Variants in PGM2L1 observed in about 807,000 individuals in gnomAD.
PGM2L1 encodes the protein glucose 1,6-bisphosphate synthase.
PGM2L1 carries 35 observed loss-of-function variants against 73.4 expected under a neutral mutation model. That is an observed-to-expected ratio of 0.48 (90% CI 0.36 to 0.63). The LOEUF (loss-of-function observed/expected upper bound fraction) is 0.63, where lower values mean the gene tolerates loss of function less well. Ranked by LOEUF, PGM2L1 falls within the 30% of genes least tolerant of loss-of-function variation. The pLI, the probability that PGM2L1 is intolerant of heterozygous loss-of-function variation, is 0.00. For synonymous variants in PGM2L1, 225 were observed against 253.8 expected, an observed-to-expected ratio of 0.89 and a Z score of 1.08; for missense variants, 570 against 742.0, an observed-to-expected ratio of 0.77 and a Z score of 2.69.
chr11:74,342,796 A>T, intron 11 of PGM2L1, 89 bp downstream of exon 11: 1 of 1,420,418 alleles, frequency 7.0e-7, no homozygotes, highest in Non-Finnish European at 9.4e-7. Flanking sequence ...AAAAAGGATC[A>T]ACTATTCTTC....
intron 6 of PGM2L1, among the ~76,000 whole-genome samples, chr11:74,349,299 A>G (rs957265073): frequency 6.6e-6 from 1 of 152,168 alleles, no homozygotes; most frequent in Non-Finnish European, 1.5e-5. Context: ...CAGTCCAGCA[A>G]CTCCCAAAGG....
chr11:74,354,413 C>T, intron 5 of PGM2L1: 1 of 639,234 alleles, frequency 1.6e-6, no homozygotes, highest in Non-Finnish European at 2.8e-6. Flanking sequence ...GCTGAGGAAG[C>T]ATCATTAAAG....
At chr11:74,374,073 C>A (rs35383477) in intron 2 of PGM2L1, among the ~76,000 whole-genome samples, 55,156 of 106,558 alleles carry the variant, frequency 0.52, 13,374 homozygotes, top group East Asian at 0.65. Context: ...AAAAAAAAAA[C>A]CAGACTGAGA....
chr11:74,381,094 T>C (rs1012638047), intron 1 of PGM2L1, among the ~76,000 whole-genome samples: 4 of 152,218 alleles, frequency 2.6e-5, no homozygotes, highest in African/African-American at 9.7e-5. Context: ...TAAGTGATCA[T>C]GTGAGGCACT....
chr11:74,397,745 ATTTTTT>A (rs71065081), intron 1 of PGM2L1: 6 of 150,088 alleles, frequency 4.0e-5, no homozygotes, highest in African/African-American at 1.1e-4. Flanking sequence ...AATGATGATG[ATTTTTT>A]TTTTTTTTTT....
intron 1 of PGM2L1, among the ~76,000 whole-genome samples, chr11:74,379,038 T>A (rs1433745991): frequency 6.6e-6 from 1 of 152,178 alleles, no homozygotes; most frequent in Non-Finnish European, 1.5e-5. Context: ...GAGAAGTGCG[T>A]TAGTTTGTCT....
intron 7 of PGM2L1, 21 bp from the exon 8 acceptor site, chr11:74,346,850 G>C (rs751354031): frequency 6.4e-7 from 1 of 1,571,566 alleles, no homozygotes; most frequent in South Asian, 1.1e-5. Flanking sequence ...GACCCAAAAA[G>C]CTGGATTGTA....
rs141340021 is a variant in PGM2L1 at position 74,398,105 on chromosome 11, G to T, written c.57C>A (p.His19Gln). ...CCGTGTCCAGCTGAGGGTCCCCGGT[G>T]TGGTAGGGGGCGTGGAGCAGGTTGG... ...LNSNLLHAPY[H>Q]TGDPQLDTAI... is the part of the protein sequence containing the mutation. Residue 19 changes from histidine (H) to glutamine (Q), a missense_variant, in exon 1 of 14, where the codon CAC becomes CAA. Physicochemically the swap from His to Gln is conservative, Grantham distance 24 (BLOSUM62 0). Coordinates refer to ENST00000298198, the MANE Select transcript of PGM2L1 (RefSeq NM_173582.6). The T allele has an allele frequency of 1.2e-6, 2 of 1,613,140 alleles. No homozygotes were observed. Among genetic ancestry groups the T allele is most frequent in the Non-Finnish European group, 1.7e-6 (2 of 1,179,488 alleles).
intron 6 of PGM2L1, among the ~76,000 whole-genome samples, chr11:74,348,642 T>C (rs1023895636): frequency 1.2e-4 from 18 of 152,206 alleles, no homozygotes; most frequent in African/African-American, 3.9e-4. Flanking sequence ...CTGAACGAGG[T>C]TCCATATAAT....
intron 5 of PGM2L1, among the ~76,000 whole-genome samples, chr11:74,362,847 A>G (rs1862587687): frequency 6.6e-6 from 1 of 152,220 alleles, no homozygotes; most frequent in African/African-American, 2.4e-5. Flanking sequence ...AAAGTTAACA[A>G]GGATAGCCAG....
In PGM2L1 at chr11:74,374,578, G is replaced by A. The variant is rs1862829287; in HGVS notation, c.116C>T (p.Pro39Leu). ...IGQWLRWDKN[P>L]KTKEQIENLL... ...GTTTTCAATCTGCTCTTTTGTTTTGGGATTCTATAAAAAAGAAGTATTAAA... is the reference window on the plus strand; with the variant it reads ...GTTTTCAATCTGCTCTTTTGTTTTGAGATTCTATAAAAAAGAAGTATTAAA... The change falls in exon 2 of 14, where the codon CCC becomes CTC. Residue 39 changes from proline to leucine, a missense_variant. Transcript: ENST00000298198. 1 of 1,612,414 alleles carries A rather than the reference G, an allele frequency of 6.2e-7. No individual in the cohort carries two copies. The highest frequency in any genetic ancestry group is 8.5e-7 in the Non-Finnish European group (1 of 1,179,252).
intron 1 of PGM2L1, among the ~76,000 whole-genome samples, chr11:74,387,332 C>T (rs1413293240): frequency 2.0e-5 from 3 of 152,180 alleles, no homozygotes; most frequent in Non-Finnish European, 4.4e-5. Flanking sequence ...CTCTACACTT[C>T]TCTGAGCCTG....
At chr11:74,343,277 A>T in intron 10 of PGM2L1, 46 bp downstream of exon 10, 10 of 1,529,908 alleles carry the variant, frequency 6.5e-6, no homozygotes, top group African/African-American at 4.3e-5. Context: ...ATTACATTTT[A>T]AAAATTATCA....
At chr11:74,337,590 C>A (rs928272807) in intron 13 of PGM2L1, among the ~76,000 whole-genome samples, 1 of 152,008 alleles carries the variant, frequency 6.6e-6, no homozygotes, top group Non-Finnish European at 1.5e-5. Context: ...ATTTAAGTAG[C>A]CTTTGAATAT....
At chr11:74,359,564 C>CATATGT (rs992470434) in intron 5 of PGM2L1, among the ~76,000 whole-genome samples, 23 of 150,068 alleles carry the variant, frequency 1.5e-4, no homozygotes, top group African/African-American at 5.6e-4. Context: ...CACGTACATA[C>CATATGT]ATATATATAT....
Position 74,345,420 on chromosome 11 carries a change from T to C in PGM2L1, c.1218+49A>G, listed in dbSNP as rs1862246483. 6.7e-6 allele frequency: 10 copies of C among 1,481,700 alleles called. No homozygotes were observed. The Admixed American group carries it at 1.5e-4, about 22-fold the overall frequency. 91.8% of individuals were successfully genotyped at this position (1,481,700 alleles called of 1,614,324 possible). ...TCTTGGTGGGGAGATGTCTTTAACA[T>C]ACAGAAATAGGTTTTAAAAAGTAGC... On this transcript the variant is annotated intron_variant, in intron 9 of 13. Coordinates refer to ENST00000298198, the MANE Select transcript of PGM2L1 (RefSeq NM_173582.6).
chr11:74,368,109 G>A (rs191053098), intron 5 of PGM2L1, among the ~76,000 whole-genome samples: 2 of 152,224 alleles, frequency 1.3e-5, no homozygotes, highest in African/African-American at 4.8e-5. Flanking sequence ...AAGCAGCTCC[G>A]GCAGAAAGTC....
rs531361475 is a variant in PGM2L1, at chr11:74,360,482, G to A, written c.555+8010C>T. On this transcript the variant is annotated intron_variant, in intron 5 of 13. Coordinates refer to ENST00000298198, the MANE Select transcript of PGM2L1 (RefSeq NM_173582.6). ...CCAGTCTACAGCTCCCAGCAGGACC[G>A]ACGCAGAAGATGGGTGATTTCTGCA... Among the ~76,000 whole-genome samples the A allele has an allele frequency of 2.6e-4, 39 of 152,166 alleles. 1 individual carries two copies. In the East Asian group the frequency reaches 3.5e-3, roughly 14 times the overall value.
At chr11:74,349,024 T>C (rs948220174) in intron 6 of PGM2L1, among the ~76,000 whole-genome samples, 2 of 152,224 alleles carry the variant, frequency 1.3e-5, no homozygotes, top group African/African-American at 4.8e-5. Flanking sequence ...ACATTTCACC[T>C]ATGGGTCTTA....
Sources: gnomAD v4.1 joint callset for allele counts (sites outside exome capture counted in the v4.1 genomes callset) on GRCh38, gnomAD v4.1.1 for gene constraint, MANE v1.5 for transcripts, NCBI Gene and HGNC (gene_info 2026-07-23, HGNC 2026-07-21) for gene names.